PDE7B: variants seen among roughly 807,000 people sequenced by gnomAD.
PDE7B encodes phosphodiesterase 7B.
PDE7B carries 29 observed loss-of-function variants against 56.2 expected under a neutral mutation model. That is an observed-to-expected ratio of 0.52 (90% CI 0.38 to 0.70). The LOEUF is 0.70. PDE7B is among the 30% of genes least tolerant of loss of function. PDE7B has a pLI of 0.00. For synonymous variants in PDE7B, 197 were observed against 196.9 expected, an observed-to-expected ratio of 1.00 and a Z score of 0.00; for missense variants, 490 against 565.0, an observed-to-expected ratio of 0.87 and a Z score of 1.35.
At chr6:135,861,481 G>T (rs938614353) in intron 1 of PDE7B, among the ~76,000 whole-genome samples, 1 of 149,914 alleles carries the variant, frequency 6.7e-6, no homozygotes, top group African/African-American at 2.4e-5. Flanking sequence ...CTCTGATCAA[G>T]TTATTTTGTA....
rs555758988 is a variant in PDE7B at position 135,961,275 on chromosome 6, G to A, written c.82+13751G>A. On this transcript the variant is annotated intron_variant, in intron 2 of 12. Coordinates refer to ENST00000308191, the MANE Select transcript of PDE7B (RefSeq NM_018945.4). ...TGTATATGTGTGTGTGTGTGTGTGTGTGTGTATGTGTGTGTGTGTGTGTGT... is the reference window on the plus strand; with the variant it reads ...TGTATATGTGTGTGTGTGTGTGTGTATGTGTATGTGTGTGTGTGTGTGTGT... Among the ~76,000 whole-genome samples, 501 of 136,318 alleles carry A rather than the reference G, an allele frequency of 3.7e-3. 3 individuals carry two copies. The highest frequency in any genetic ancestry group is 0.014 in the African/African-American group (472 of 34,260). The allele number at this position is 136,318 out of a possible 152,430, so 89.4% of individuals were successfully genotyped here. A position where few individuals can be genotyped will look rare whatever the true frequency, so the allele number is the denominator to read the frequency against.
chr6:136,175,155 T>C lies in PDE7B; in HGVS notation c.803+1267T>C, dbSNP rs72975534. Among the ~76,000 whole-genome samples, 1,176 of 152,328 alleles carry C rather than the reference T, an allele frequency of 7.7e-3. 6 individuals are homozygous for C. The highest frequency in any genetic ancestry group is 0.012 in the Non-Finnish European group (810 of 68,020). Reference sequence around the variant, plus strand: ...AAAATATTCATTTCACATCTATGGATTCCAATGAAAAATATATTTTTATGT... The same window carrying C: ...AAAATATTCATTTCACATCTATGGACTCCAATGAAAAATATATTTTTATGT... On this transcript the variant is annotated intron_variant, in intron 9 of 12. Transcript: ENST00000308191.
At chr6:136,187,999 C>T (rs1779167672) in intron 12 of PDE7B, among the ~76,000 whole-genome samples, 1 of 152,184 alleles carries the variant, frequency 6.6e-6, no homozygotes, top group African/African-American at 2.4e-5. Flanking sequence ...CAGCTGAACG[C>T]ATTCACAGTG....
intron 2 of PDE7B, among the ~76,000 whole-genome samples, chr6:136,048,068 A>G (rs922146920): frequency 1.9e-4 from 28 of 148,048 alleles, no homozygotes; most frequent in African/African-American, 6.4e-4. Flanking sequence ...AGATGGATGG[A>G]TGGGTGGATG....
chr6:136,055,087 T>C (rs1019184520), intron 2 of PDE7B, among the ~76,000 whole-genome samples: 2 of 152,218 alleles, frequency 1.3e-5, no homozygotes, highest in African/African-American at 4.8e-5. Context: ...GTGGCTCATC[T>C]CTACATATGT....
At chr6:135,902,604 A>G (rs1028302924) in intron 1 of PDE7B, among the ~76,000 whole-genome samples, 1 of 152,164 alleles carries the variant, frequency 6.6e-6, no homozygotes, top group Non-Finnish European at 1.5e-5. Flanking sequence ...CATCAGATGG[A>G]CAACTGGAAA....
intron 2 of PDE7B, among the ~76,000 whole-genome samples, chr6:136,024,563 A>G (rs986452408): frequency 1.3e-4 from 20 of 152,026 alleles, no homozygotes; most frequent in African/African-American, 4.1e-4. Flanking sequence ...TGAAGGGGTT[A>G]CCAATGCCAG....
chr6:135,983,306 G>A lies in PDE7B; in HGVS notation c.82+35782G>A, dbSNP rs188259344. Among the ~76,000 whole-genome samples, 22 of 152,272 alleles carry A rather than the reference G, an allele frequency of 1.4e-4. No individual in the cohort carries two copies. The East Asian group carries it at 3.1e-3, about 21-fold the overall frequency. ...TGGGCTGAACTGACTTCAGAACCAA[G>A]GGCAGTGACCAAAGAGACCTGTCCA... On this transcript the variant is annotated intron_variant, in intron 2 of 12. Coordinates refer to ENST00000308191, the MANE Select transcript of PDE7B (RefSeq NM_018945.4).
intron 8 of PDE7B, among the ~76,000 whole-genome samples, chr6:136,161,041 C>T (rs367697192): frequency 3.3e-4 from 51 of 152,278 alleles, no homozygotes; most frequent in African/African-American, 1.1e-3. Flanking sequence ...TCTTCACACC[C>T]ATGCTCTTCC....
intron 1 of PDE7B, among the ~76,000 whole-genome samples, chr6:135,905,740 G>C (rs1776088061): frequency 6.6e-6 from 1 of 152,154 alleles, no homozygotes; most frequent in South Asian, 2.1e-4. Flanking sequence ...CGAGGGTGTG[G>C]GGAGTGGGCC....
chr6:135,890,523 C>T (rs1418161921), intron 1 of PDE7B, among the ~76,000 whole-genome samples: 1 of 152,200 alleles, frequency 6.6e-6, no homozygotes, highest in East Asian at 1.9e-4. Flanking sequence ...TGCAGCTTGA[C>T]TGTGATGGTA....
At chr6:136,067,345 AATTT>A (rs1048735244) in intron 2 of PDE7B, among the ~76,000 whole-genome samples, 23 of 152,302 alleles carry the variant, frequency 1.5e-4, no homozygotes, top group Non-Finnish European at 3.4e-4. Flanking sequence ...GACTTTATTG[AATTT>A]ATTTCTGTTT....
chr6:136,046,389 T>C (rs1332463029), intron 2 of PDE7B: 1 of 152,178 alleles, frequency 6.6e-6, no homozygotes, highest in Non-Finnish European at 1.5e-5. Flanking sequence ...TGATGGGGAA[T>C]AGGGAAATTT....
At chr6:136,091,537 C>T (rs1777385931) in intron 2 of PDE7B, among the ~76,000 whole-genome samples, 1 of 152,174 alleles carries the variant, frequency 6.6e-6, no homozygotes, top group Admixed American at 6.5e-5. Context: ...TTCCATGACC[C>T]ACACCTCACC....
rs1008173982 is a variant in PDE7B, at chr6:136,191,804, G to T, written c.1317G>T (p.Gly439=). ...SGPDHDHAGQ[G]TESEEQEGDS... ...CTGACCACGACCACGCAGGCCAAGG[G>T]ACTGAGAGCGAGGAGCAGGAAGGCG... Residue 439 remains glycine, a synonymous_variant, in exon 13 of 13, where the codon GGG becomes GGT. Coordinates refer to ENST00000308191, the MANE Select transcript of PDE7B (RefSeq NM_018945.4). 2.7e-5 allele frequency: 42 copies of T among 1,558,270 alleles called. No homozygotes were observed. The highest frequency in any genetic ancestry group is 3.9e-5 in the Admixed American group (2 of 51,602).
chr6:136,085,497 T>C (rs1777276841), intron 2 of PDE7B, among the ~76,000 whole-genome samples: 1 of 152,164 alleles, frequency 6.6e-6, no homozygotes, highest in African/African-American at 2.4e-5. Context: ...GGTAGCCCAG[T>C]TTGTCTTGCT....
intron 1 of PDE7B, among the ~76,000 whole-genome samples, chr6:135,904,107 A>G (rs1258968203): frequency 6.6e-6 from 1 of 152,218 alleles, no homozygotes; most frequent in African/African-American, 2.4e-5. Flanking sequence ...TTATATTCAA[A>G]TACCACAGGG....
intron 2 of PDE7B, among the ~76,000 whole-genome samples, chr6:136,086,178 C>G (rs1165365798): frequency 6.6e-6 from 1 of 152,166 alleles, no homozygotes; most frequent in East Asian, 1.9e-4. Context: ...GATTGCGTGT[C>G]TGGGTAACTG....
chr6:135,887,601 A>G (rs941796620), intron 1 of PDE7B, among the ~76,000 whole-genome samples: 6 of 152,130 alleles, frequency 3.9e-5, no homozygotes, highest in African/African-American at 1.4e-4. Context: ...TCTGCTTTCA[A>G]AATTATTAAG....
Sources: allele counts gnomAD v4.1 joint callset (sites outside exome capture counted in the v4.1 genomes callset), GRCh38; gene constraint gnomAD v4.1.1; transcripts MANE v1.5; gene names NCBI Gene and HGNC (gene_info 2026-07-23, HGNC 2026-07-21).